Variants in HOXB4 observed in about 807,000 individuals in gnomAD.
The protein encoded by HOXB4 is homeobox protein Hox-B4.
A neutral mutation model predicts 20.0 loss-of-function variants in HOXB4; 13 were observed. That is an observed-to-expected ratio of 0.65 (90% CI 0.42 to 1.03). HOXB4 has a LOEUF of 1.03. HOXB4 is among the 50% of genes least tolerant of loss of function. HOXB4 has a pLI of 0.00. For synonymous variants in HOXB4, 173 were observed against 148.9 expected, an observed-to-expected ratio of 1.16 and a Z score of -1.18; for missense variants, 343 against 357.1, an observed-to-expected ratio of 0.96 and a Z score of 0.32.
In HOXB4 at chr17:48,576,509, T is replaced by TG. The variant is rs3833172; in HGVS notation, c.*212dup. 0.51 allele frequency: 203,006 copies of TG among 399,282 alleles called. 56,234 individuals carry two copies. Among genetic ancestry groups the TG allele is most frequent in the Non-Finnish European group, 0.57 (128,690 of 227,058 alleles). The allele number at this position is 399,282 out of a possible 1,614,324, so 24.7% of individuals were successfully genotyped here. Reference sequence around the variant, plus strand: ...AAGCAAGAGATTTGAATCTTGCTTCTGGGGGGGCCTCCCCGTGGCCCTCTA... The same window carrying TG: ...AAGCAAGAGATTTGAATCTTGCTTCTGGGGGGGGCCTCCCCGTGGCCCTCTA... On this transcript the variant is annotated 3_prime_UTR_variant, in exon 2 of 2. Transcript: ENST00000332503.
In HOXB4 at chr17:48,576,688, A is replaced by G. The variant is rs569250918; in HGVS notation, c.*34T>C. ...TCCCCTGCACTCACTGCCCACCCCC[A>G]CCCCGAGGTTCGTGGCTCCCGCGTG... On this transcript the variant is annotated 3_prime_UTR_variant, in exon 2 of 2. Coordinates refer to ENST00000332503, the MANE Select transcript of HOXB4 (RefSeq NM_024015.5). 6.5e-6 allele frequency: 2 copies of G among 305,870 alleles called. No homozygotes were observed. The highest frequency in any genetic ancestry group is 1.3e-4 in the East Asian group (1 of 7,704). 18.9% of individuals were successfully genotyped at this position (305,870 alleles called of 1,614,324 possible).
At position 48,576,596 on chromosome 17, in the gene HOXB4, G is replaced by A. The variant is rs1009449746; in HGVS notation, c.*126C>T. 3.9e-6 allele frequency: 3 copies of A among 764,848 alleles called. No individual in the cohort carries two copies. The highest frequency in any genetic ancestry group is 3.5e-5 in the African/African-American group (2 of 57,042). 47.4% of individuals were successfully genotyped at this position (764,848 alleles called of 1,614,324 possible). A position where few individuals can be genotyped will look rare whatever the true frequency, so the allele number is the denominator to read the frequency against. On this transcript the variant is annotated 3_prime_UTR_variant, in exon 2 of 2. Coordinates refer to ENST00000332503, the MANE Select transcript of HOXB4 (RefSeq NM_024015.5). ...TTCTGCGTTTATTCGTATATAAAGT[G>A]TGGGGGAGGGCAGATAGATTTTTCC... is the stretch of plus-strand genomic sequence containing the variant.
In HOXB4 at chr17:48,576,441, C is replaced by T. The variant is rs2069764654; in HGVS notation, c.*281G>A. ...TATTTCTCTTTCTGTCTTTTTCTTT[C>T]TTCCTTCTTCTTGCTTTTTCTTTTT... On this transcript the variant is annotated 3_prime_UTR_variant, in exon 2 of 2. Coordinates refer to ENST00000332503, the MANE Select transcript of HOXB4 (RefSeq NM_024015.5). The T allele has an allele frequency of 2.9e-6, 1 of 348,730 alleles. No homozygotes were observed. Among genetic ancestry groups the T allele is most frequent in the South Asian group, 1.1e-4 (1 of 9,294 alleles). The allele number at this position is 348,730 out of a possible 1,614,324, so 21.6% of individuals were successfully genotyped here.
At position 48,578,254 on chromosome 17, in the gene HOXB4, T is replaced by C. The variant is rs1376617983; in HGVS notation, c.66A>G (p.Glu22=). 2 of 1,614,020 alleles carry C rather than the reference T, an allele frequency of 1.2e-6. No homozygotes were observed. Among genetic ancestry groups the C allele is most frequent in the Non-Finnish European group, 8.5e-7 (1 of 1,179,922 alleles). The change falls in exon 1 of 2, where the codon GAA becomes GAG. Residue 22 remains glutamate, a synonymous_variant. Transcript: ENST00000332503. ...TGGGTAGGTAATCGCTCTGTGAATA[T>C]TCCTCGCATGGAGGGAACTTGGGGT... is the stretch of plus-strand genomic sequence containing the variant. ...YVDPKFPPCE[E]YSQSDYLPSD... is the part of the protein sequence containing the mutation.
chr17:48,578,328 G>A lies in HOXB4; in HGVS notation c.-9C>T, dbSNP rs1396181213. 1.2e-6 allele frequency: 2 copies of A among 1,603,714 alleles called. No individual in the cohort carries two copies. Among genetic ancestry groups the A allele is most frequent in the South Asian group, 1.1e-5 (1 of 89,524 alleles). ...AAAGAACTCATAGCCATTAATTTCT[G>A]GGAATTGCCCACAAAATATACTAAA... On this transcript the variant is annotated 5_prime_UTR_variant, in exon 1 of 2. Coordinates refer to ENST00000332503, the MANE Select transcript of HOXB4 (RefSeq NM_024015.5).
In HOXB4 at chr17:48,576,497, G is replaced by T; in HGVS notation, c.*225C>A. ...TTTTAAGAAAGAAAGCAAGAGATTT[G>T]AATCTTGCTTCTGGGGGGGCCTCCC... On this transcript the variant is annotated 3_prime_UTR_variant, in exon 2 of 2. Transcript: ENST00000332503. 1 of 382,614 alleles carries T rather than the reference G, an allele frequency of 2.6e-6. No homozygotes were observed. The highest frequency in any genetic ancestry group is 4.9e-5 in the Admixed American group (1 of 20,512). 23.7% of individuals were successfully genotyped at this position (382,614 alleles called of 1,614,324 possible).
Position 48,576,782 on chromosome 17 carries a change from A to C in HOXB4, c.696T>G (p.Gly232=). ...GGGGCCCTCCGGCTGAGCCTGCCGCACCACCCGAGCGGATCTTGGTGTTGG... is the reference window on the plus strand; with the variant it reads ...GGGGCCCTCCGGCTGAGCCTGCCGCCCCACCCGAGCGGATCTTGGTGTTGG... ...KLPNTKIRSG[G]AAGSAGGPPG... Residue 232 remains glycine (G), a synonymous_variant, in exon 2 of 2, where the codon GGT becomes GGG. Transcript: ENST00000332503. The C allele has an allele frequency of 2.5e-6, 4 of 1,613,728 alleles. No individual in the cohort carries two copies. Among genetic ancestry groups the C allele is most frequent in the Non-Finnish European group, 3.4e-6 (4 of 1,179,896 alleles).
rs973171889 is a variant in HOXB4 at position 48,575,710 on chromosome 17, C to T, written c.*1012G>A. On this transcript the variant is annotated 3_prime_UTR_variant, in exon 2 of 2. Transcript: ENST00000332503. The stretch of plus-strand genomic sequence containing the variant: ...TAATATTATCAATAATAATAATAAA[C>T]GATGCAACATAATAAACTATGGGAG... The T allele has an allele frequency of 1.4e-4, 20 of 145,816 alleles. No individual in the cohort carries two copies. The highest frequency in any genetic ancestry group is 5.0e-4 in the African/African-American group (18 of 36,214). The allele number at this position is 145,816 out of a possible 1,614,324, so 9.0% of individuals were successfully genotyped here. A position where few individuals can be genotyped will look rare whatever the true frequency, so the allele number is the denominator to read the frequency against.
Position 48,575,550 on chromosome 17 carries a change from G to C in HOXB4, c.*1172C>G, listed in dbSNP as rs1001024298. The C allele has an allele frequency of 6.6e-6, 1 of 152,450 alleles. No homozygotes were observed. Among genetic ancestry groups the C allele is most frequent in the Non-Finnish European group, 1.5e-5 (1 of 68,034 alleles). 9.4% of individuals were successfully genotyped at this position (152,450 alleles called of 1,614,324 possible). ...AAACATTTATTTCTATTGTCACTCTGTACAGCACACAGATATTCACACATA... is the reference window on the plus strand; with the variant it reads ...AAACATTTATTTCTATTGTCACTCTCTACAGCACACAGATATTCACACATA... On this transcript the variant is annotated 3_prime_UTR_variant, in exon 2 of 2. Coordinates refer to ENST00000332503, the MANE Select transcript of HOXB4 (RefSeq NM_024015.5).
Position 48,576,455 on chromosome 17 carries a change from CTTT to C in HOXB4, c.*264_*266del. ...TCTTTTTCTTTCTTCCTTCTTCTTG[CTTT>C]TTCTTTTTCTTTTTTTTAAGAAAGA... On this transcript the variant is annotated 3_prime_UTR_variant, in exon 2 of 2. Coordinates refer to ENST00000332503, the MANE Select transcript of HOXB4 (RefSeq NM_024015.5). 2.7e-6 allele frequency: 1 copy of C among 375,228 alleles called. No homozygotes were observed. The highest frequency in any genetic ancestry group is 4.0e-5 in the East Asian group (1 of 25,012). 23.2% of individuals were successfully genotyped at this position (375,228 alleles called of 1,614,324 possible).
In HOXB4 at chr17:48,577,955, C is replaced by G; in HGVS notation, c.365G>C (p.Cys122Ser). ...AVSSSPPPPP[C>S]AQNPLHPSPS... Reference sequence around the variant, plus strand: ...GCTGGGGTGCAGGGGGTTCTGGGCGCAGGGAGGCGGCGGGGGGCTGCTGCT... The same window carrying G: ...GCTGGGGTGCAGGGGGTTCTGGGCGGAGGGAGGCGGCGGGGGGCTGCTGCT... Residue 122 changes from cysteine to serine, a missense_variant, in exon 1 of 2, where the codon TGC (cysteine) becomes TCC (serine). Cys to Ser is a moderately radical substitution (Grantham distance 112). Transcript: ENST00000332503. 1 of 1,320,712 alleles carries G rather than the reference C, an allele frequency of 7.6e-7. No individual in the cohort carries two copies. Among genetic ancestry groups the G allele is most frequent in the Non-Finnish European group, 9.7e-7 (1 of 1,029,482 alleles). 81.8% of individuals were successfully genotyped at this position (1,320,712 alleles called of 1,614,324 possible). A position where few individuals can be genotyped will look rare whatever the true frequency, so the allele number is the denominator to read the frequency against.
rs760942924 is a variant in HOXB4 at position 48,576,756 on chromosome 17, G to A, written c.722C>T (p.Pro241Leu). The change falls in exon 2 of 2, where the codon CCT becomes CTT. Residue 241 changes from proline (P) to leucine (L), a missense_variant. Physicochemically the swap from Pro to Leu is moderately conservative, Grantham distance 98. This residue lies in a region of HOXB4 where 48 missense variants were observed against 44.8 expected (regional missense o/e 1.07). Transcript: ENST00000332503. ...GCGGGGGCCTCCATTGGGCCGGCCA[G>A]GGGGCCCTCCGGCTGAGCCTGCCGC... ...GGAAGSAGGP[P>L]GRPNGGPRAL The A allele has an allele frequency of 3.8e-6, 6 of 1,574,932 alleles. No individual in the cohort carries two copies. The highest frequency in any genetic ancestry group is 5.2e-6 in the Non-Finnish European group (6 of 1,155,304).
At chr17:48,577,780 A>G in intron 1 of HOXB4, 83 bp downstream of exon 1, 1 of 1,166,076 alleles carries the variant, frequency 8.6e-7, no homozygotes, top group East Asian at 3.1e-5. Context: ...CCCCAGCTCA[A>G]CCCCCCCCCA....
chr17:48,576,796 T>C lies in HOXB4; in HGVS notation c.682A>G (p.Ile228Val). Reference sequence around the variant, plus strand: ...GAGCCTGCCGCACCACCCGAGCGGATCTTGGTGTTGGGCAACTTGTGGTCT... The same window carrying C: ...GAGCCTGCCGCACCACCCGAGCGGACCTTGGTGTTGGGCAACTTGTGGTCT... ...KKDHKLPNTK[I>V]RSGGAAGSAG... Residue 228 changes from isoleucine (I) to valine (V), a missense_variant, in exon 2 of 2, where the codon ATC becomes GTC. Physicochemically the swap from Ile to Val is conservative, Grantham distance 29. This residue lies in a region of HOXB4 where 48 missense variants were observed against 44.8 expected (regional missense o/e 1.07). Transcript: ENST00000332503. 5 of 1,614,156 alleles carry C rather than the reference T, an allele frequency of 3.1e-6. No homozygotes were observed. The highest frequency in any genetic ancestry group is 4.2e-6 in the Non-Finnish European group (5 of 1,180,018).
At chr17:48,577,716 C>T in intron 1 of HOXB4, 147 bp downstream of exon 1, 2 of 689,112 alleles carry the variant, frequency 2.9e-6, no homozygotes, top group South Asian at 1.3e-4. Context: ...GCTCTGAAAA[C>T]AGGCGACCGT....
chr17:48,577,877 A>G lies in HOXB4; in HGVS notation c.443T>C (p.Val148Ala). 1 of 1,396,706 alleles carries G rather than the reference A, an allele frequency of 7.2e-7. No individual in the cohort carries two copies. Among genetic ancestry groups the G allele is most frequent in the Non-Finnish European group, 9.3e-7 (1 of 1,070,270 alleles). The allele number at this position is 1,396,706 out of a possible 1,614,324, so 86.5% of individuals were successfully genotyped here. Residue 148 changes from valine (V) to alanine (A), a missense_variant, in exon 1 of 2, where the codon GTT (valine) becomes GCT (alanine). Physicochemically the swap from Val to Ala is moderately conservative, Grantham distance 64 (BLOSUM62 0). This residue lies in a region of HOXB4 where 241 missense variants were observed against 222.0 expected (regional missense o/e 1.09). Transcript: ENST00000332503. The stretch of plus-strand genomic sequence containing the variant: ...CACGCACTCACCCGTGCTCACGTGA[A>G]CTTTGCGCATCCAGGGGTAGACGAC... Reference protein sequence around the residue: ...EPVVYPWMRKVHVSTVNPNYA... With the variant: ...EPVVYPWMRKAHVSTVNPNYA...
chr17:48,577,596 T>A (rs1365382974), intron 1 of HOXB4, among the ~76,000 whole-genome samples: 2 of 152,128 alleles, frequency 1.3e-5, no homozygotes, highest in East Asian at 3.8e-4. Context: ...TAAGACTGTA[T>A]CTCCCTGGCG....
In HOXB4 at chr17:48,577,724, C is replaced by T. The variant is rs1411174394; in HGVS notation, c.457+139G>A. On this transcript the variant is annotated intron_variant, in intron 1 of 1. Transcript: ENST00000332503. ...TTATGTGGCTCTGAAAACAGGCGAC[C>T]GTAAATCTCCGGCAATGGCGAGTTT... The T allele has an allele frequency of 4.0e-6, 3 of 741,452 alleles. No individual in the cohort carries two copies. The African/African-American group carries it at 5.5e-5, about 14-fold the overall frequency. The allele number at this position is 741,452 out of a possible 1,614,324, so 45.9% of individuals were successfully genotyped here.
Position 48,577,905 on chromosome 17 carries a change from G to A in HOXB4, c.415C>T (p.Pro139Ser). 1 of 1,377,780 alleles carries A rather than the reference G, an allele frequency of 7.3e-7. No homozygotes were observed. Among genetic ancestry groups the A allele is most frequent in the Non-Finnish European group, 9.4e-7 (1 of 1,059,072 alleles). 85.3% of individuals were successfully genotyped at this position (1,377,780 alleles called of 1,614,324 possible). Reference protein sequence around the residue: ...PSPSHSACKEPVVYPWMRKVH... With the variant: ...PSPSHSACKESVVYPWMRKVH... ...TTGCGCATCCAGGGGTAGACGACGGGCTCTTTGCACGCGGAGTGGGACGGG... is the reference window on the plus strand; with the variant it reads ...TTGCGCATCCAGGGGTAGACGACGGACTCTTTGCACGCGGAGTGGGACGGG... The change falls in exon 1 of 2, where the codon CCC becomes TCC. Residue 139 changes from proline (P) to serine (S), a missense_variant. By Grantham distance (74) the Pro-to-Ser change is moderately conservative. This residue lies in a region of HOXB4 where 241 missense variants were observed against 222.0 expected (regional missense o/e 1.09). Coordinates refer to ENST00000332503, the MANE Select transcript of HOXB4 (RefSeq NM_024015.5).
Sources: gnomAD v4.1 joint callset for allele counts (sites outside exome capture counted in the v4.1 genomes callset) on GRCh38, gnomAD v4.1.1 for gene constraint, gnomAD v4.1.1 regional missense constraint, MANE v1.5 for transcripts, NCBI Gene and HGNC (gene_info 2026-07-23, HGNC 2026-07-21) for gene names.